The following NAALADL2 variants were observed in gnomAD, a reference collection of about 807,000 sequenced individuals.
NAALADL2 encodes the protein inactive N-acetylated-alpha-linked acidic dipeptidase-like protein 2.
NAALADL2 carries 76 observed loss-of-function variants against 87.2 expected under a neutral mutation model. The observed-to-expected ratio is 0.87, with a 90% CI of 0.72 to 1.05. The LOEUF (loss-of-function observed/expected upper bound fraction) is 1.05. Ranked by LOEUF, NAALADL2 falls within the 50% of genes least tolerant of loss-of-function variation. The pLI is 0.00. For missense variants in NAALADL2, 1,089 were observed against 945.8 expected (o/e 1.15, Z -1.99); for synonymous variants, 354 against 331.0 (o/e 1.07, Z -0.75).
intron 3 of NAALADL2, among the ~76,000 whole-genome samples, chr3:174,767,472 T>C (rs1445642170): frequency 6.6e-6 from 1 of 152,168 alleles, no homozygotes; most frequent in Non-Finnish European, 1.5e-5. Flanking sequence ...AATTTCTTAT[T>C]GCCCATTAAA....
intron 1 of NAALADL2, among the ~76,000 whole-genome samples, chr3:174,875,034 G>T (rs902700304): frequency 1.4e-5 from 2 of 141,870 alleles, no homozygotes; most frequent in Non-Finnish European, 3.0e-5. Flanking sequence ...GATTGTTTGA[G>T]CCCAGGAGGT....
chr3:174,752,799 C>T (rs921063821), intron 3 of NAALADL2, among the ~76,000 whole-genome samples: 7 of 151,942 alleles, frequency 4.6e-5, no homozygotes, highest in Admixed American at 3.9e-4. Context: ...TTGTATTTTG[C>T]AGAAGTAGGA....
intron 2 of NAALADL2, among the ~76,000 whole-genome samples, chr3:174,635,025 G>C (rs952276001): frequency 6.6e-6 from 1 of 152,072 alleles, no homozygotes; most frequent in Non-Finnish European, 1.5e-5. Flanking sequence ...AAACAATATT[G>C]ACAAAAATGT....
intron 2 of NAALADL2, among the ~76,000 whole-genome samples, chr3:175,180,308 A>G (rs1328392504): frequency 1.3e-5 from 2 of 152,030 alleles, no homozygotes; most frequent in Admixed American, 1.3e-4. Flanking sequence ...ACAATTACAC[A>G]TTGATTATTT....
At chr3:174,974,519 G>T (rs1006630597) in intron 1 of NAALADL2, among the ~76,000 whole-genome samples, 22 of 152,174 alleles carry the variant, frequency 1.4e-4, no homozygotes, top group African/African-American at 5.1e-4. Context: ...TATTAAATGA[G>T]ATAGTGTTGT....
At chr3:175,051,431 C>T (rs578049967) in intron 1 of NAALADL2, among the ~76,000 whole-genome samples, 1 of 152,174 alleles carries the variant, frequency 6.6e-6, no homozygotes, top group South Asian at 2.1e-4. Context: ...GCTCACAGAC[C>T]TGTGGAGGTG....
intron 1 of NAALADL2, among the ~76,000 whole-genome samples, chr3:175,013,888 A>G (rs1233056149): frequency 1.3e-5 from 2 of 152,020 alleles, no homozygotes; most frequent in Non-Finnish European, 2.9e-5. Context: ...TATAATAATA[A>G]TTTGTCAGAA....
upstream of NAALADL2, among the ~76,000 whole-genome samples, chr3:174,858,142 A>G (rs1726058366): frequency 6.8e-6 from 1 of 148,106 alleles, no homozygotes; most frequent in Non-Finnish European, 1.5e-5. Flanking sequence ...ATATTTGAAT[A>G]TAATAATATG....
At chr3:175,763,889 T>C (rs1353636522) in intron 13 of NAALADL2, among the ~76,000 whole-genome samples, 1 of 151,946 alleles carries the variant, frequency 6.6e-6, no homozygotes, top group Non-Finnish European at 1.5e-5. Context: ...TATAGGGAAA[T>C]TTTACAAAAG....
chr3:174,766,083 A>G (rs1210052355), intron 3 of NAALADL2, among the ~76,000 whole-genome samples: 2 of 152,146 alleles, frequency 1.3e-5, no homozygotes, highest in Non-Finnish European at 2.9e-5. Context: ...AATGTGTTTC[A>G]TTGGGAGCTC....
chr3:174,865,595 G>C (rs143476141), intron 1 of NAALADL2, among the ~76,000 whole-genome samples: 4 of 151,908 alleles, frequency 2.6e-5, no homozygotes, highest in East Asian at 3.9e-4. Context: ...ACATTTCTTC[G>C]AGGGAGCTTT....
chr3:174,878,214 A>G (rs915463757), intron 1 of NAALADL2, among the ~76,000 whole-genome samples: 9 of 152,144 alleles, frequency 5.9e-5, no homozygotes, highest in African/African-American at 2.2e-4. Flanking sequence ...AAAAATTTAT[A>G]TGATTAGACA....
At chr3:175,127,659 T>G (rs1176410415) in intron 2 of NAALADL2, among the ~76,000 whole-genome samples, 3 of 107,704 alleles carry the variant, frequency 2.8e-5, no homozygotes, top group Non-Finnish European at 3.8e-5. Context: ...ATTATATTTA[T>G]GCTGACTATA....
At chr3:175,246,564 G>A (rs1269560322) in intron 3 of NAALADL2, among the ~76,000 whole-genome samples, 3 of 152,154 alleles carry the variant, frequency 2.0e-5, no homozygotes, top group Admixed American at 1.3e-4. Context: ...GCACTGGAAT[G>A]TTCCCCTGTG....
intron 2 of NAALADL2, among the ~76,000 whole-genome samples, chr3:175,168,662 TTGA>T (rs1734335931): frequency 6.6e-6 from 1 of 151,780 alleles, no homozygotes; most frequent in African/African-American, 2.4e-5. Flanking sequence ...GGCTGAGATA[TTGA>T]TATCTTTTTT....
intron 1 of NAALADL2, among the ~76,000 whole-genome samples, chr3:174,884,223 G>A (rs1729782523): frequency 6.6e-6 from 1 of 152,088 alleles, no homozygotes; most frequent in Admixed American, 6.6e-5. Flanking sequence ...CACTTCCACT[G>A]CCACTCCTTG....
upstream of NAALADL2, among the ~76,000 whole-genome samples, chr3:174,857,184 C>T (rs1323033851): frequency 1.3e-5 from 2 of 152,080 alleles, no homozygotes; most frequent in Non-Finnish European, 2.9e-5. Flanking sequence ...GTTTTTTAGG[C>T]ATGTGCAAAA....
In NAALADL2 at chr3:175,667,257, G is replaced by GA. The variant is rs201067268; in HGVS notation, c.1896+39874dup. ...AAAGAAAGAAAAAGAAAGAAAGAAAGAAAGAAAGGAAGGAAGGGATGGGGA... is the reference window on the plus strand; with the variant it reads ...AAAGAAAGAAAAAGAAAGAAAGAAAGAAAAGAAAGGAAGGAAGGGATGGGGA... On this transcript the variant is annotated intron_variant, in intron 11 of 13. Coordinates refer to ENST00000454872, the MANE Select transcript of NAALADL2 (RefSeq NM_207015.3). 1.9e-3 allele frequency among the ~76,000 whole-genome samples: 267 copies of GA among 140,980 alleles called. 4 individuals are homozygous for GA. Among genetic ancestry groups the GA allele is most frequent in the African/African-American group, 7.4e-3 (245 of 33,138 alleles). 92.5% of individuals were successfully genotyped at this position (140,980 alleles called of 152,430 possible). A position where few individuals can be genotyped will look rare whatever the true frequency, so the allele number is the denominator to read the frequency against.
chr3:174,938,649 A>G (rs775610020), intron 1 of NAALADL2, among the ~76,000 whole-genome samples: 5 of 152,226 alleles, frequency 3.3e-5, no homozygotes, highest in East Asian at 1.9e-4. Context: ...CCAACAGTGT[A>G]TAAGTGTTCT....
Sources: allele counts gnomAD v4.1 joint callset (sites outside exome capture counted in the v4.1 genomes callset), GRCh38; gene constraint gnomAD v4.1.1; transcripts MANE v1.5; gene names NCBI Gene and HGNC (gene_info 2026-07-23, HGNC 2026-07-21).